Variants in RBM46 observed in about 807,000 individuals in gnomAD.
RBM46 encodes the protein RNA binding motif protein 46, also known as probable RNA-binding protein 46.
RBM46 carries 12 observed loss-of-function variants against 43.3 expected under a neutral mutation model. That is an observed-to-expected ratio of 0.28 (90% CI 0.18 to 0.45). The LOEUF is 0.45. Among genes scored for constraint, RBM46 ranks in the 20% least tolerant of loss-of-function variants. The pLI is 1.00. For missense variants in RBM46, 412 were observed against 639.1 expected (o/e 0.64, Z 3.83); for synonymous variants, 205 against 207.6 (o/e 0.99, Z 0.11).
At position 154,807,676 on chromosome 4, in the gene RBM46, A is replaced by G. The variant is rs1734972731; in HGVS notation, c.1402+8112A>G. ...TTTCTTCCTCTTTCCAAGACCTGGT[A>G]GTACCTTACCTCCAAGAATGGTTCA... is the stretch of plus-strand genomic sequence containing the variant. On this transcript the variant is annotated intron_variant, in intron 4 of 4. Transcript: ENST00000281722. Among the ~76,000 whole-genome samples the G allele has an allele frequency of 3.3e-5, 5 of 152,042 alleles. 1 individual carries two copies. The South Asian group carries it at 1.0e-3, about 31-fold the overall frequency.
intron 1 of RBM46, among the ~76,000 whole-genome samples, chr4:154,792,799 C>T (rs1203427545): frequency 1.3e-5 from 2 of 152,120 alleles, no homozygotes; most frequent in Non-Finnish European, 2.9e-5. Context: ...GCAAATAGGT[C>T]AGCATTGTTG....
At chr4:154,823,644 A>G (rs1174200262) in intron 4 of RBM46, among the ~76,000 whole-genome samples, 1 of 152,024 alleles carries the variant, frequency 6.6e-6, no homozygotes, top group African/African-American at 2.4e-5. Context: ...AATTAGAAAC[A>G]AAACAAGAAA....
chr4:154,783,940 A>G (rs1733631474), intron 1 of RBM46, among the ~76,000 whole-genome samples: 1 of 152,190 alleles, frequency 6.6e-6, no homozygotes, highest in Non-Finnish European at 1.5e-5. Context: ...CGAGAAGTGT[A>G]GTGGCTGTAG....
intron 4 of RBM46, among the ~76,000 whole-genome samples, chr4:154,822,579 G>T (rs1560914880): frequency 1.3e-5 from 2 of 149,732 alleles, no homozygotes; most frequent in African/African-American, 4.9e-5. Context: ...AAAAAAAAAA[G>T]TTTTTTTTTG....
chr4:154,812,093 C>CTG (rs903002189), intron 4 of RBM46, among the ~76,000 whole-genome samples: 10 of 151,068 alleles, frequency 6.6e-5, no homozygotes, highest in Non-Finnish European at 1.3e-4. Flanking sequence ...GCATAAGAGG[C>CTG]TGTGCTCTTA....
intron 4 of RBM46, among the ~76,000 whole-genome samples, chr4:154,804,824 T>TTG (rs1553982784): frequency 6.6e-6 from 1 of 151,518 alleles, no homozygotes; most frequent in Admixed American, 6.6e-5. Flanking sequence ...GTTTTTTTTT[T>TTG]TTTTTTTTTT....
Position 154,782,574 on chromosome 4 carries a change from A to C in RBM46, c.-12+1138A>C, listed in dbSNP as rs550417616. 1.5e-4 allele frequency among the ~76,000 whole-genome samples: 23 copies of C among 152,204 alleles called. No homozygotes were observed. The South Asian group carries it at 4.6e-3, about 30-fold the overall frequency. On this transcript the variant is annotated intron_variant, in intron 1 of 4. Transcript: ENST00000281722. ...TCTCGGCTGACTGCAACTTCCGCCT[A>C]CCGGGTTCAAGCGATTCTCCTGCCT...
chr4:154,788,184 A>T (rs1578890717), intron 1 of RBM46, among the ~76,000 whole-genome samples: 1 of 152,064 alleles, frequency 6.6e-6, no homozygotes, highest in African/African-American at 2.4e-5. Context: ...GAAGCTCTTT[A>T]GTTTAATTAG....
intron 1 of RBM46, among the ~76,000 whole-genome samples, chr4:154,788,152 T>C (rs1733880280): frequency 1.3e-5 from 2 of 152,216 alleles, no homozygotes; most frequent in South Asian, 4.1e-4. Context: ...TTCACTCTGA[T>C]GGTAGTTTCT....
intron 4 of RBM46, 68 bp from the exon 5 acceptor site, chr4:154,827,798 CTT>C: frequency 5.0e-6 from 8 of 1,599,162 alleles, no homozygotes; most frequent in Non-Finnish European, 6.8e-6. Context: ...TTGTTTAATG[CTT>C]TGTCTCTTTA....
intron 4 of RBM46, among the ~76,000 whole-genome samples, chr4:154,818,429 C>T (rs1735570308): frequency 6.6e-6 from 1 of 152,086 alleles, no homozygotes; most frequent in Non-Finnish European, 1.5e-5. Context: ...TGTTGTTTCT[C>T]TTGGGAAATC....
At chr4:154,812,642 C>T (rs1179201262) in intron 4 of RBM46, among the ~76,000 whole-genome samples, 1 of 152,122 alleles carries the variant, frequency 6.6e-6, no homozygotes, top group Non-Finnish European at 1.5e-5. Context: ...TTTATCAGTC[C>T]GAATAGGTTT....
chr4:154,804,246 G>T (rs1010944666), intron 4 of RBM46, among the ~76,000 whole-genome samples: 1 of 152,178 alleles, frequency 6.6e-6, no homozygotes, highest in Non-Finnish European at 1.5e-5. Context: ...ATAGACTGGA[G>T]GGTTAGAATA....
intron 4 of RBM46, 97 bp downstream of exon 4, chr4:154,799,661 T>G (rs1734523451): frequency 8.8e-6 from 7 of 799,032 alleles, no homozygotes; most frequent in South Asian, 2.8e-5. Flanking sequence ...ACATTAGTGG[T>G]AAGTATGTAA....
Position 154,803,555 on chromosome 4 carries a change from T to C in RBM46, c.1402+3991T>C, listed in dbSNP as rs369021219. Among the ~76,000 whole-genome samples, 29 of 151,452 alleles carry C rather than the reference T, an allele frequency of 1.9e-4. No individual in the cohort carries two copies. The East Asian group carries it at 4.3e-3, about 22-fold the overall frequency. On this transcript the variant is annotated intron_variant, in intron 4 of 4. Transcript: ENST00000281722. Reference sequence around the variant, plus strand: ...GTCTCTACTAAAAATACAAAAAAATTAGCCGGGCGTGGTGGCAGGCGCCTG... The same window carrying C: ...GTCTCTACTAAAAATACAAAAAAATCAGCCGGGCGTGGTGGCAGGCGCCTG...
At chr4:154,820,412 AAAAT>A in intron 4 of RBM46, 1 of 1,517,898 alleles carries the variant, frequency 6.6e-7, no homozygotes, top group Non-Finnish European at 8.8e-7. Context: ...GAATTTGGAG[AAAAT>A]AAACAGGTAA....
intron 1 of RBM46, among the ~76,000 whole-genome samples, chr4:154,785,324 A>T (rs1210651801): frequency 6.6e-6 from 1 of 152,048 alleles, no homozygotes; most frequent in Non-Finnish European, 1.5e-5. Context: ...ACATGAATTA[A>T]CCCAAAAAAT....
intron 1 of RBM46, among the ~76,000 whole-genome samples, chr4:154,785,864 T>C (rs1002198625): frequency 6.6e-6 from 1 of 152,192 alleles, no homozygotes; most frequent in African/African-American, 2.4e-5. Flanking sequence ...GTATTTACTT[T>C]TGGTTTTCTT....
chr4:154,802,115 T>C (rs1401623377), intron 4 of RBM46, among the ~76,000 whole-genome samples: 1 of 152,252 alleles, frequency 6.6e-6, no homozygotes, highest in Non-Finnish European at 1.5e-5. Flanking sequence ...CTAGGTCCTA[T>C]TTCGGTGGAG....
Sources: allele counts gnomAD v4.1 joint callset (sites outside exome capture counted in the v4.1 genomes callset), GRCh38; gene constraint gnomAD v4.1.1; transcripts MANE v1.5; gene names NCBI Gene and HGNC (gene_info 2026-07-23, HGNC 2026-07-21).